GRM7: variants seen among roughly 807,000 people sequenced by gnomAD.
GRM7 encodes glutamate metabotropic receptor 7, also known as metabotropic glutamate receptor 7.
Under a neutral mutation model 84.5 loss-of-function variants are expected in GRM7, and 35 were observed. The observed-to-expected ratio is 0.41, with a 90% confidence interval of 0.32 to 0.55. GRM7 has a LOEUF of 0.55. Ranked by LOEUF, GRM7 falls within the 20% of genes least tolerant of loss-of-function variation. The probability of loss-of-function intolerance (pLI) is 0.19; values close to 1 mark genes in which losing one functional copy is unlikely to be tolerated. For synonymous variants in GRM7, 487 were observed against 455.1 expected (o/e 1.07, Z -0.89); for missense variants, 1,003 against 1,194.6 (o/e 0.84, Z 2.36).
chr3:7,504,362 C>T (rs1699976337), intron 7 of GRM7, among the ~76,000 whole-genome samples: 1 of 152,206 alleles, frequency 6.6e-6, no homozygotes, highest in African/African-American at 2.4e-5. Context: ...CTGCCTCCTT[C>T]TCTTTAGATA....
chr3:7,493,778 C>G (rs1426724438), intron 7 of GRM7, among the ~76,000 whole-genome samples: 1 of 151,880 alleles, frequency 6.6e-6, no homozygotes, highest in Non-Finnish European at 1.5e-5. Context: ...CTTTGTGTTA[C>G]TTGAACATTT....
At chr3:6,950,489 G>C (rs963929562) in intron 1 of GRM7, among the ~76,000 whole-genome samples, 1 of 152,216 alleles carries the variant, frequency 6.6e-6, no homozygotes, top group Non-Finnish European at 1.5e-5. Flanking sequence ...TCCCAGTTAG[G>C]CTGCTGGGGG....
At chr3:7,609,469 G>A (rs1021012927) in intron 8 of GRM7, among the ~76,000 whole-genome samples, 1 of 152,188 alleles carries the variant, frequency 6.6e-6, no homozygotes, top group Non-Finnish European at 1.5e-5. Context: ...GGGCAGAGTA[G>A]AGGAGCTCTA....
At chr3:7,572,924 T>G (rs1313633960) in intron 7 of GRM7, among the ~76,000 whole-genome samples, 5 of 128,868 alleles carry the variant, frequency 3.9e-5, no homozygotes, top group Non-Finnish European at 8.5e-5. Context: ...GTGGAGTACA[T>G]TTAAAAAAGG....
intron 7 of GRM7, among the ~76,000 whole-genome samples, chr3:7,466,283 A>G (rs1425565726): frequency 1.3e-5 from 2 of 152,152 alleles, no homozygotes; most frequent in African/African-American, 4.8e-5. Context: ...TAGTAGATAT[A>G]TGGCATTTTA....
At chr3:7,302,397 T>C (rs1700033249) in intron 3 of GRM7, among the ~76,000 whole-genome samples, 1 of 152,158 alleles carries the variant, frequency 6.6e-6, no homozygotes, top group Admixed American at 6.5e-5. Flanking sequence ...TTAATTATAT[T>C]CTTATAACCT....
chr3:7,486,415 G>A lies in GRM7; in HGVS notation c.1515+24693G>A, dbSNP rs893139734. ...GCTGTTGAGGCTTGGTCTCCAATGT[G>A]GCAGTGTTGGGAGATGATACCATTG... On this transcript the variant is annotated intron_variant, in intron 7 of 9. Coordinates refer to ENST00000357716, the MANE Select transcript of GRM7 (RefSeq NM_000844.4). The surrounding 1 kb of genome is among the most constrained non-coding windows in gnomAD (Gnocchi z 5.5). 5.9e-5 allele frequency among the ~76,000 whole-genome samples: 9 copies of A among 152,072 alleles called. No homozygotes were observed. Among genetic ancestry groups the A allele is most frequent in the Non-Finnish European group, 1.0e-4 (7 of 68,022 alleles).
intron 1 of GRM7, among the ~76,000 whole-genome samples, chr3:7,016,394 G>A (rs1695566362): frequency 6.6e-6 from 1 of 152,130 alleles, no homozygotes; most frequent in Non-Finnish European, 1.5e-5. Flanking sequence ...CTGAAATTCG[G>A]GGTTTATATA....
intron 2 of GRM7, among the ~76,000 whole-genome samples, chr3:7,269,563 C>G (rs994156425): frequency 1.3e-5 from 2 of 152,176 alleles, no homozygotes; most frequent in Middle Eastern, 3.2e-3. Flanking sequence ...CTCTGAAGGG[C>G]CATGTACTAC....
intron 9 of GRM7, among the ~76,000 whole-genome samples, chr3:7,732,661 A>G (rs933443058): frequency 2.0e-5 from 3 of 152,112 alleles, no homozygotes; most frequent in African/African-American, 7.2e-5. Context: ...TTTTTATGAG[A>G]ACGTTCATTA....
chr3:7,579,931 G>T (rs1695167041), intron 8 of GRM7, among the ~76,000 whole-genome samples: 1 of 152,188 alleles, frequency 6.6e-6, no homozygotes, highest in Non-Finnish European at 1.5e-5. Flanking sequence ...TTCAGCATAG[G>T]CTCCCTACAA....
intron 7 of GRM7, among the ~76,000 whole-genome samples, chr3:7,482,215 A>G (rs13072504): frequency 6.6e-6 from 1 of 152,114 alleles, no homozygotes; most frequent in Admixed American, 6.6e-5. Flanking sequence ...AAAACAAAAA[A>G]CAGAAATGAA....
rs551358093 is a variant in GRM7 at position 7,694,029 on chromosome 3, G to GT, written c.2698+13740dup. ...TCTCTTTCTGAGTACTGGATTCTCA[G>GT]TTTTTTCTGGGTCAAGAATGCAGGA... is the stretch of plus-strand genomic sequence containing the variant. On this transcript the variant is annotated intron_variant, in intron 9 of 9. Coordinates refer to ENST00000357716, the MANE Select transcript of GRM7 (RefSeq NM_000844.4). Among the ~76,000 whole-genome samples, 305 of 152,272 alleles carry GT rather than the reference G, an allele frequency of 2.0e-3. 3 individuals carry two copies. Among genetic ancestry groups the GT allele is most frequent in the African/African-American group, 7.1e-3 (295 of 41,558 alleles).
intron 8 of GRM7, among the ~76,000 whole-genome samples, chr3:7,589,817 A>G (rs1044643135): frequency 2.6e-5 from 4 of 152,200 alleles, no homozygotes; most frequent in African/African-American, 4.8e-5. Flanking sequence ...ACCAGTGTCT[A>G]TAACAGGTCC....
intron 2 of GRM7, among the ~76,000 whole-genome samples, chr3:7,263,939 C>A (rs1042837727): frequency 3.9e-5 from 6 of 151,986 alleles, no homozygotes; most frequent in Admixed American, 3.9e-4. Context: ...GGGGGGTGGC[C>A]GTGGGCGAGT....
intron 2 of GRM7, among the ~76,000 whole-genome samples, chr3:7,197,260 G>A (rs951266334): frequency 6.6e-6 from 1 of 152,212 alleles, no homozygotes; most frequent in African/African-American, 2.4e-5. Context: ...GGCACTGGGT[G>A]CTCATCGTCT....
At chr3:7,325,370 C>G (rs2125058813) in intron 4 of GRM7, among the ~76,000 whole-genome samples, 1 of 152,320 alleles carries the variant, frequency 6.6e-6, no homozygotes, top group Middle Eastern at 3.4e-3. Flanking sequence ...TTTGCATTTA[C>G]TGAATCACTT....
chr3:7,721,145 A>G (rs960813678), intron 9 of GRM7, among the ~76,000 whole-genome samples: 2 of 152,230 alleles, frequency 1.3e-5, no homozygotes, highest in African/African-American at 4.8e-5. Context: ...TCTTAACAGG[A>G]TCCATATTTA....
chr3:7,683,356 C>A (rs1700453618), intron 9 of GRM7, among the ~76,000 whole-genome samples: 1 of 152,138 alleles, frequency 6.6e-6, no homozygotes, highest in African/African-American at 2.4e-5. Flanking sequence ...CTAGTGTCTA[C>A]ATAGAGCCAA....
Sources: gnomAD v4.1 joint callset for allele counts (sites outside exome capture counted in the v4.1 genomes callset) on GRCh38, gnomAD v4.1.1 for gene constraint, Gnocchi (gnomAD v3.1) non-coding constraint, MANE v1.5 for transcripts, NCBI Gene and HGNC (gene_info 2026-07-23, HGNC 2026-07-21) for gene names.